CIRSR: variants seen among roughly 807,000 people sequenced by gnomAD.
CIRSR encodes corepressor of RBPJ and splicing regulator.
At chr2:174,390,290 G>A in the CIRSR span, among the ~76,000 whole-genome samples, 196 of 152,386 alleles carry the variant, frequency 1.3e-3, no homozygotes, top group African/African-American at 4.4e-3. Context: ...TATGAGACAT[G>A]AAGTCAAAGG....
At chr2:174,348,198 TCA>T in the CIRSR span, 5 of 267,178 alleles carry the variant, frequency 1.9e-5, no homozygotes, top group South Asian at 2.4e-4. Flanking sequence ...AAAGAAAATG[TCA>T]CAGAGTTATA....
the CIRSR span, among the ~76,000 whole-genome samples, chr2:174,351,252 A>C: frequency 6.6e-6 from 1 of 152,190 alleles, no homozygotes; most frequent in African/African-American, 2.4e-5. Flanking sequence ...TAAAATAAAT[A>C]AGTTTAAAAT....
chr2:174,359,061 T>C, the CIRSR span, among the ~76,000 whole-genome samples: 1 of 152,246 alleles, frequency 6.6e-6, no homozygotes, highest in African/African-American at 2.4e-5. Context: ...TAGGCATCCA[T>C]GAGCCTCAAA....
At chr2:174,384,009 A>G in the CIRSR span, among the ~76,000 whole-genome samples, 1 of 152,184 alleles carries the variant, frequency 6.6e-6, no homozygotes, top group Non-Finnish European at 1.5e-5. Context: ...CATGTGATCC[A>G]GCAATTCCAC....
At chr2:174,367,047 A>C in the CIRSR span, among the ~76,000 whole-genome samples, 3 of 152,254 alleles carry the variant, frequency 2.0e-5, no homozygotes, top group Non-Finnish European at 4.4e-5. Context: ...CAAAAAAAGG[A>C]AACAAAAAAT....
chr2:174,381,715 C>G, the CIRSR span: 1 of 1,586,686 alleles, frequency 6.3e-7, no homozygotes, highest in Admixed American at 1.9e-5. Flanking sequence ...TTTTTTAGCT[C>G]CTGGTGGGGC....
the CIRSR span, chr2:174,381,640 G>A: frequency 3.8e-6 from 5 of 1,298,784 alleles, no homozygotes; most frequent in Admixed American, 4.3e-5. Context: ...CTGGACGACA[G>A]GGCAAGACTG....
chr2:174,351,753 T>G, the CIRSR span: 1 of 1,566,582 alleles, frequency 6.4e-7, no homozygotes, highest in East Asian at 2.3e-5. Flanking sequence ...AGTTTGAATG[T>G]ATCATTTATA....
chr2:174,389,475 C>T, the CIRSR span, among the ~76,000 whole-genome samples: 4 of 152,032 alleles, frequency 2.6e-5, no homozygotes, highest in Admixed American at 6.6e-5. Flanking sequence ...TTAAGGTATC[C>T]GGTAGAAGAA....
At chr2:174,352,900 G>A in the CIRSR span, among the ~76,000 whole-genome samples, 1 of 152,182 alleles carries the variant, frequency 6.6e-6, no homozygotes, top group South Asian at 2.1e-4. Flanking sequence ...TTTGCTGGTT[G>A]AATACTTTGT....
chr2:174,390,217 A>C, the CIRSR span, among the ~76,000 whole-genome samples: 2 of 152,258 alleles, frequency 1.3e-5, no homozygotes, highest in Non-Finnish European at 2.9e-5. Flanking sequence ...TACCCTGCAA[A>C]GCCACAGGGG....
the CIRSR span, among the ~76,000 whole-genome samples, chr2:174,394,732 G>A: frequency 6.6e-6 from 1 of 152,088 alleles, no homozygotes; most frequent in Non-Finnish European, 1.5e-5. Flanking sequence ...ACCTCAACTC[G>A]TTCTAAAAAC....
chr2:174,370,760 T>C, the CIRSR span, among the ~76,000 whole-genome samples: 2 of 151,322 alleles, frequency 1.3e-5, no homozygotes, highest in Non-Finnish European at 3.0e-5. Flanking sequence ...TAAAAAAAAA[T>C]ATTAGCCAGG....
the CIRSR span, chr2:174,348,797 G>T: frequency 6.2e-7 from 1 of 1,614,112 alleles, no homozygotes. Flanking sequence ...AATCAGAATG[G>T]CTCCATTTGC....
the CIRSR span, among the ~76,000 whole-genome samples, chr2:174,371,438 C>G: frequency 6.6e-6 from 1 of 152,076 alleles, no homozygotes; most frequent in Non-Finnish European, 1.5e-5. Flanking sequence ...AGATAAAAGC[C>G]AGGTGGGCTG....
the CIRSR span, among the ~76,000 whole-genome samples, chr2:174,369,482 A>G: frequency 6.6e-6 from 1 of 152,242 alleles, no homozygotes; most frequent in African/African-American, 2.4e-5. Flanking sequence ...ATTTCCTTCA[A>G]GAACTTTCCC....
the CIRSR span, among the ~76,000 whole-genome samples, chr2:174,385,138 C>T: frequency 2.0e-5 from 3 of 150,930 alleles, no homozygotes; most frequent in African/African-American, 7.3e-5. Context: ...TCGCTTGAAC[C>T]CAGAAGTTTG....
the CIRSR span, among the ~76,000 whole-genome samples, chr2:174,393,882 G>A: frequency 2.0e-5 from 3 of 152,044 alleles, no homozygotes; most frequent in Admixed American, 1.3e-4. Context: ...ATTTAATATA[G>A]TTCCTTTATC....
chr2:174,395,255 A>C, the CIRSR span, among the ~76,000 whole-genome samples: 1 of 152,202 alleles, frequency 6.6e-6, no homozygotes, highest in African/African-American at 2.4e-5. Flanking sequence ...AAAAACCAGA[A>C]TCAGCTGAAG....
Sources: allele counts gnomAD v4.1 joint callset (sites outside exome capture counted in the v4.1 genomes callset), GRCh38; gene constraint gnomAD v4.1.1; transcripts MANE v1.5; gene names NCBI Gene and HGNC (gene_info 2026-07-23, HGNC 2026-07-21).